NMNAT3: variants seen among roughly 807,000 people sequenced by gnomAD.
The protein encoded by NMNAT3 is nicotinamide/nicotinic acid mononucleotide adenylyltransferase 3.
In NMNAT3, 21 loss-of-function variants were observed where a neutral mutation model predicts 24.8. The ratio of observed to expected loss-of-function variants is 0.85; its 90% CI spans 0.60 to 1.22. The LOEUF is 1.22. Ranked by LOEUF, NMNAT3 falls within the 50% of genes most tolerant of loss-of-function variation. The probability of loss-of-function intolerance (pLI) is 0.00; values close to 1 mark genes in which losing one functional copy is unlikely to be tolerated. For synonymous variants in NMNAT3, 136 were observed against 155.2 expected (o/e 0.88, Z 0.92); for missense variants, 387 against 436.6 (o/e 0.89, Z 1.01).
intron 3 of NMNAT3, among the ~76,000 whole-genome samples, chr3:139,588,821 G>A (rs1161494541): frequency 2.0e-5 from 3 of 152,300 alleles, no homozygotes; most frequent in East Asian, 1.9e-4. Context: ...GGGAGGGGAA[G>A]TAACATCTTT....
intron 1 of NMNAT3, among the ~76,000 whole-genome samples, chr3:139,667,365 G>A (rs529099533): frequency 1.3e-5 from 2 of 152,224 alleles, no homozygotes; most frequent in East Asian, 1.9e-4. Flanking sequence ...TAGTGATGTT[G>A]GGGATTTTTC....
chr3:139,674,297 G>A (rs1434556580), intron 1 of NMNAT3, among the ~76,000 whole-genome samples: 1 of 152,238 alleles, frequency 6.6e-6, no homozygotes, highest in African/African-American at 2.4e-5. Flanking sequence ...GGGTCTATGT[G>A]TATGTGGGAG....
At chr3:139,671,827 T>G (rs912526724) in intron 1 of NMNAT3, among the ~76,000 whole-genome samples, 1 of 152,252 alleles carries the variant, frequency 6.6e-6, no homozygotes, top group Non-Finnish European at 1.5e-5. Flanking sequence ...CTAATTCATG[T>G]AACAGGCATT....
intron 1 of NMNAT3, among the ~76,000 whole-genome samples, chr3:139,645,954 G>T (rs1036861842): frequency 6.6e-6 from 1 of 152,162 alleles, no homozygotes; most frequent in African/African-American, 2.4e-5. Context: ...AGGAAGGGTA[G>T]GGTGCAGAGA....
chr3:139,600,817 G>C (rs2054680194), intron 3 of NMNAT3, among the ~76,000 whole-genome samples: 1 of 152,168 alleles, frequency 6.6e-6, no homozygotes. Context: ...AGAGGAAGGG[G>C]TGCTCCGTTG....
At chr3:139,569,504 TGCTTCCTTCAGGA>T (rs1334614588) in intron 6 of NMNAT3, 4 of 152,220 alleles carry the variant, frequency 2.6e-5, no homozygotes, top group Non-Finnish European at 5.9e-5. Context: ...CCATGTTTAG[TGCTTCCTTCAGGA>T]GCTCTTTTAG....
At chr3:139,598,147 G>T (rs1343889158) in intron 3 of NMNAT3, among the ~76,000 whole-genome samples, 2 of 152,278 alleles carry the variant, frequency 1.3e-5, no homozygotes, top group South Asian at 2.1e-4. Flanking sequence ...CCATTCTCTG[G>T]CCTGGTAGGC....
intron 3 of NMNAT3, among the ~76,000 whole-genome samples, chr3:139,590,793 AT>A (rs1318439109): frequency 6.6e-6 from 1 of 152,106 alleles, no homozygotes; most frequent in Non-Finnish European, 1.5e-5. Context: ...TTCATTTTGT[AT>A]TTTTTTATAC....
At chr3:139,565,295 A>G (rs891501281) in intron 6 of NMNAT3, 1 of 152,236 alleles carries the variant, frequency 6.6e-6, no homozygotes. Flanking sequence ...TCAAGCAAAG[A>G]GTGCAAAGAT....
Position 139,573,580 on chromosome 3 carries a change from AAG to A in NMNAT3, c.658+16_658+17del, listed in dbSNP as rs1553737925. The stretch of plus-strand genomic sequence containing the variant: ...CCTGACATCTCATTCTCCTACAGAC[AAG>A]AGGATCAGCACCCACCTGCAGGGGT... On this transcript the variant is annotated intron_variant, in intron 6 of 6. Transcript: ENST00000643695. The A allele has an allele frequency of 6.0e-6, 9 of 1,497,380 alleles. No individual in the cohort carries two copies. Among genetic ancestry groups the A allele is most frequent in the Non-Finnish European group, 8.2e-6 (9 of 1,100,414 alleles). 92.8% of individuals were successfully genotyped at this position (1,497,380 alleles called of 1,614,324 possible).
In NMNAT3 at chr3:139,645,753, G is replaced by GT. The variant is rs1180246547; in HGVS notation, c.-140-7692dup. Among the ~76,000 whole-genome samples the GT allele has an allele frequency of 2.6e-5, 4 of 151,934 alleles. No homozygotes were observed. In the South Asian group the frequency reaches 8.3e-4, roughly 32 times the overall value. ...ATCACAAGGAAAACTGAGGAGTATA[G>GT]TTTTTTTTGATGGCACATTGTTGCT... On this transcript the variant is annotated intron_variant, in intron 1 of 6. Coordinates refer to ENST00000643695, the MANE Select transcript of NMNAT3 (RefSeq NM_001320510.2).
intron 1 of NMNAT3, among the ~76,000 whole-genome samples, chr3:139,644,344 A>G (rs908163249): frequency 1.3e-5 from 2 of 152,208 alleles, no homozygotes; most frequent in African/African-American, 2.4e-5. Context: ...ATGCAAAAAT[A>G]CAATGAACAA....
intron 1 of NMNAT3, among the ~76,000 whole-genome samples, chr3:139,664,491 G>A (rs766761565): frequency 2.0e-5 from 3 of 152,166 alleles, no homozygotes; most frequent in Non-Finnish European, 4.4e-5. Flanking sequence ...TATGTTTTGA[G>A]ATAAGGGGCT....
intron 4 of NMNAT3, among the ~76,000 whole-genome samples, chr3:139,579,505 G>C (rs564811414): frequency 2.4e-4 from 36 of 152,304 alleles, no homozygotes; most frequent in African/African-American, 8.4e-4. Flanking sequence ...AGGACAAAGG[G>C]ATGGGATTTT....
intron 1 of NMNAT3, among the ~76,000 whole-genome samples, chr3:139,677,225 G>A (rs1346109879): frequency 6.6e-6 from 1 of 152,100 alleles, no homozygotes; most frequent in Non-Finnish European, 1.5e-5. Flanking sequence ...CAGTTTTAAC[G>A]TTCACACTTG....
chr3:139,660,119 T>G (rs1239066520), intron 1 of NMNAT3, among the ~76,000 whole-genome samples: 1 of 152,174 alleles, frequency 6.6e-6, no homozygotes. Context: ...CAGTGTCAAC[T>G]AGGTCTGCCT....
intron 6 of NMNAT3, among the ~76,000 whole-genome samples, chr3:139,564,801 T>G (rs1936922519): frequency 6.6e-6 from 1 of 152,210 alleles, no homozygotes; most frequent in Admixed American, 6.5e-5. Flanking sequence ...TGAGAAAAAT[T>G]CCACCTTCCT....
chr3:139,589,991 C>T (rs114426017), intron 3 of NMNAT3, among the ~76,000 whole-genome samples: 2,466 of 152,224 alleles, frequency 0.016, 72 homozygotes, highest in African/African-American at 0.056. Context: ...GAAACAGGCA[C>T]AGAGAATCCC....
chr3:139,634,883 C>T (rs1315275249), intron 2 of NMNAT3: 1 of 152,188 alleles, frequency 6.6e-6, no homozygotes, highest in Non-Finnish European at 1.5e-5. Flanking sequence ...AGGCACTGTG[C>T]TAAAAACTTC....
Sources: allele counts gnomAD v4.1 joint callset (sites outside exome capture counted in the v4.1 genomes callset), GRCh38; gene constraint gnomAD v4.1.1; transcripts MANE v1.5; gene names NCBI Gene and HGNC (gene_info 2026-07-23, HGNC 2026-07-21).